The following SH3KBP1 variants were observed in gnomAD, a reference collection of about 807,000 sequenced individuals.
SH3KBP1 encodes SH3 domain-containing kinase-binding protein 1.
SH3KBP1 carries 8 observed loss-of-function variants against 50.1 expected under a neutral mutation model. The observed-to-expected ratio is 0.16, with a 90% CI of 0.09 to 0.29. The LOEUF is 0.29. SH3KBP1 is among the 10% of genes least tolerant of loss of function. The probability of loss-of-function intolerance (pLI) is 1.00; values close to 1 mark genes in which losing one functional copy is unlikely to be tolerated. For synonymous variants in SH3KBP1, 227 were observed against 218.6 expected (o/e 1.04, Z -0.34); for missense variants, 377 against 535.2 (o/e 0.70, Z 2.92).
At chrX:19,720,562 GT>G (rs1379775128) in intron 3 of SH3KBP1, among the ~76,000 whole-genome samples, 1 of 111,865 alleles carries the variant, frequency 8.9e-6, no homozygotes, top group East Asian at 2.8e-4. Flanking sequence ...TTGAAGGAAG[GT>G]TCTAAATGTA....
chrX:19,639,436 TTCAGATGAGAAGC>T (rs998896022), intron 7 of SH3KBP1, among the ~76,000 whole-genome samples: 16 of 111,539 alleles, frequency 1.4e-4, no homozygotes, highest in East Asian at 2.8e-4. Context: ...CGATGGTACT[TTCAGATGAGAAGC>T]TCAGATGAGA....
At chrX:19,688,128 C>T (rs898005154) in intron 5 of SH3KBP1, among the ~76,000 whole-genome samples, 1 of 112,470 alleles carries the variant, frequency 8.9e-6, no homozygotes, top group Admixed American at 9.4e-5. Flanking sequence ...GATTTAGACA[C>T]ATTATCCTTT....
intron 2 of SH3KBP1, among the ~76,000 whole-genome samples, chrX:19,828,538 T>C (rs1192032886): frequency 9.1e-6 from 1 of 109,599 alleles, no homozygotes; most frequent in African/African-American, 3.3e-5. Flanking sequence ...TCCCAGCACT[T>C]TGGGAGGCTG....
chrX:19,779,641 T>C (rs1192605082), intron 2 of SH3KBP1, among the ~76,000 whole-genome samples: 4 of 95,060 alleles, frequency 4.2e-5, no homozygotes, highest in Non-Finnish European at 8.3e-5. Context: ...TGTGATCTCA[T>C]TGTTCAATTC....
chrX:19,657,547 G>A (rs1156569652), intron 6 of SH3KBP1, among the ~76,000 whole-genome samples: 3 of 109,257 alleles, frequency 2.7e-5, no homozygotes, highest in Non-Finnish European at 3.8e-5. Flanking sequence ...GGCCAACATG[G>A]TGAAACCCTG....
chrX:19,678,349 G>T (rs1021168655), intron 6 of SH3KBP1, among the ~76,000 whole-genome samples: 10 of 98,246 alleles, frequency 1.0e-4, no homozygotes, highest in East Asian at 3.2e-4. Context: ...ATTCCAGGAG[G>T]TTTTTTTTTT....
intron 3 of SH3KBP1, among the ~76,000 whole-genome samples, chrX:19,746,025 T>C (rs1216488132): frequency 8.9e-6 from 1 of 112,638 alleles, no homozygotes; most frequent in East Asian, 2.8e-4. Context: ...AATTCACCTT[T>C]CATCCATAAA....
chrX:19,740,836 C>T (rs769728400), intron 3 of SH3KBP1: 4 of 288,396 alleles, frequency 1.4e-5, no homozygotes, highest in Middle Eastern at 5.0e-4. Flanking sequence ...ACCGCCTTGG[C>T]GCCATGAGAA....
At chrX:19,846,510 C>A (rs928461654) in intron 1 of SH3KBP1, among the ~76,000 whole-genome samples, 1 of 111,635 alleles carries the variant, frequency 9.0e-6, no homozygotes, top group African/African-American at 3.3e-5. Context: ...ATTTTCCTGA[C>A]TTTATAATGA....
chrX:19,722,588 G>A (rs1450825505), intron 3 of SH3KBP1, among the ~76,000 whole-genome samples: 2 of 106,740 alleles, frequency 1.9e-5, no homozygotes, highest in African/African-American at 3.4e-5. Flanking sequence ...GTGTGTGTGT[G>A]TGTGTGTGTG....
intron 6 of SH3KBP1, among the ~76,000 whole-genome samples, chrX:19,657,051 G>A (rs2062298006): frequency 9.0e-6 from 1 of 111,561 alleles, no homozygotes; most frequent in Admixed American, 9.6e-5. Flanking sequence ...AGAGGTAAAT[G>A]CCTGCAACAG....
At chrX:19,659,307 G>A (rs1425595160) in intron 6 of SH3KBP1, among the ~76,000 whole-genome samples, 4 of 109,628 alleles carry the variant, frequency 3.6e-5, no homozygotes, top group Non-Finnish European at 7.6e-5. Context: ...TAGAGACAGG[G>A]TTTCACCGTG....
At chrX:19,830,986 T>C (rs1203456403) in intron 2 of SH3KBP1, among the ~76,000 whole-genome samples, 3 of 111,810 alleles carry the variant, frequency 2.7e-5, no homozygotes, top group Non-Finnish European at 5.6e-5. Context: ...GGCCTGCTAC[T>C]CAGTATACCA....
At chrX:19,864,316 A>ACC (rs112503138) in intron 1 of SH3KBP1, among the ~76,000 whole-genome samples, 6 of 109,304 alleles carry the variant, frequency 5.5e-5, no homozygotes, top group African/African-American at 1.7e-4. Context: ...GCAGAACAAC[A>ACC]CCCCCCCACC....
At chrX:19,885,786 T>C (rs773130353) in intron 1 of SH3KBP1, among the ~76,000 whole-genome samples, 23 of 111,585 alleles carry the variant, frequency 2.1e-4, no homozygotes, top group Middle Eastern at 4.6e-3. Context: ...CTTCTGCCAA[T>C]GAACTAAATC....
chrX:19,777,334 G>C (rs188361246), intron 2 of SH3KBP1, among the ~76,000 whole-genome samples: 2 of 110,586 alleles, frequency 1.8e-5, no homozygotes, highest in African/African-American at 6.6e-5. Flanking sequence ...CAAGAGGAGA[G>C]GAGAGGAAGT....
At chrX:19,549,682 C>G (rs1311197705) in intron 14 of SH3KBP1, among the ~76,000 whole-genome samples, 1 of 111,714 alleles carries the variant, frequency 9.0e-6, no homozygotes. Context: ...TTTTTTCTTA[C>G]CCATTTCATT....
chrX:19,667,753 C>G (rs1171763582), intron 6 of SH3KBP1, among the ~76,000 whole-genome samples: 1 of 109,803 alleles, frequency 9.1e-6, no homozygotes, highest in East Asian at 2.8e-4. Context: ...TGGTGATTTC[C>G]ACCAGGAAGT....
chrX:19,872,566 T>C (rs1011827905), intron 1 of SH3KBP1, among the ~76,000 whole-genome samples: 3 of 109,665 alleles, frequency 2.7e-5, no homozygotes, highest in Admixed American at 9.7e-5. Flanking sequence ...GGTCAGGAGA[T>C]AGAGACCATC....
Sources: allele counts gnomAD v4.1 joint callset (sites outside exome capture counted in the v4.1 genomes callset), GRCh38; gene constraint gnomAD v4.1.1; transcripts MANE v1.5; gene names NCBI Gene and HGNC (gene_info 2026-07-23, HGNC 2026-07-21).